SCLT1: variants seen among roughly 807,000 people sequenced by gnomAD.
The protein encoded by SCLT1 is sodium channel and clathrin linker 1.
In SCLT1, 78 loss-of-function variants were observed where a neutral mutation model predicts 112.8. The ratio of observed to expected loss-of-function variants is 0.69; its 90% CI spans 0.58 to 0.83. The LOEUF (loss-of-function observed/expected upper bound fraction) is 0.83. Among genes scored for constraint, SCLT1 ranks in the 40% least tolerant of loss-of-function variants. The pLI, the probability that SCLT1 is intolerant of heterozygous loss-of-function variation, is 0.00. For synonymous variants in SCLT1, 257 were observed against 254.7 expected (o/e 1.01, Z -0.09); for missense variants, 747 against 770.4 (o/e 0.97, Z 0.36).
Position 129,051,798 on chromosome 4 carries a change from C to T in SCLT1, c.103-7747G>A, listed in dbSNP as rs140373377. 2.2e-3 allele frequency among the ~76,000 whole-genome samples: 331 copies of T among 152,094 alleles called. 3 individuals carry two copies. The highest frequency in any genetic ancestry group is 0.014 in the East Asian group (71 of 5,178). On this transcript the variant is annotated intron_variant, in intron 2 of 20. Transcript: ENST00000281142. ...GTGGTGAGAGAGGGCATCCTTGTCA[C>T]GTGTCGGTTTTCAAAGGGAATGCTT...
rs987763170 is a variant in SCLT1, at chr4:129,040,268, A to T, written c.235-1172T>A. 4.3e-6 allele frequency: 3 copies of T among 702,414 alleles called. No individual in the cohort carries two copies. In the Admixed American group the frequency reaches 6.0e-5, roughly 14 times the overall value. 43.5% of individuals were successfully genotyped at this position (702,414 alleles called of 1,614,324 possible). On this transcript the variant is annotated intron_variant, in intron 4 of 20. Transcript: ENST00000281142. The stretch of plus-strand genomic sequence containing the variant: ...TTCACTACCAGATAATTGAGCACTG[A>T]CCATATATGGACTGATACAGTGAGA...
chr4:128,890,983 T>C, intron 19 of SCLT1, 76 bp downstream of exon 19: 1 of 978,170 alleles, frequency 1.0e-6, no homozygotes, highest in Non-Finnish European at 1.6e-6. Context: ...TAATTTGGAT[T>C]TGGCTCAGGT....
intron 10 of SCLT1, among the ~76,000 whole-genome samples, chr4:128,966,928 G>C (rs1167591040): frequency 6.6e-6 from 1 of 151,654 alleles, no homozygotes; most frequent in African/African-American, 2.4e-5. Flanking sequence ...TTGTGTATCG[G>C]GGGTTTGGTA....
chr4:129,074,556 T>C (rs1751295017), intron 2 of SCLT1, among the ~76,000 whole-genome samples: 1 of 152,166 alleles, frequency 6.6e-6, no homozygotes, highest in Admixed American at 6.6e-5. Context: ...AGAATAAGAC[T>C]GAAATTGCCT....
At chr4:128,896,643 C>G (rs1306524977) in intron 18 of SCLT1, among the ~76,000 whole-genome samples, 3 of 152,174 alleles carry the variant, frequency 2.0e-5, no homozygotes, top group African/African-American at 7.2e-5. Flanking sequence ...GAACGCAGCT[C>G]CTCACCAGCA....
downstream of SCLT1, among the ~76,000 whole-genome samples, chr4:128,880,248 T>G (rs1158644390): frequency 6.6e-6 from 1 of 152,210 alleles, no homozygotes; most frequent in African/African-American, 2.4e-5. Context: ...ATCAGTTTTA[T>G]CCATTAAGGG....
At chr4:129,063,957 G>C (rs1298620179) in intron 2 of SCLT1, among the ~76,000 whole-genome samples, 2 of 152,160 alleles carry the variant, frequency 1.3e-5, no homozygotes, top group African/African-American at 4.8e-5. Flanking sequence ...GTGCCATCTT[G>C]GGGCAGGAGT....
chr4:129,033,337 A>C (rs971940252), intron 5 of SCLT1, among the ~76,000 whole-genome samples: 4 of 146,460 alleles, frequency 2.7e-5, no homozygotes, highest in Admixed American at 1.4e-4. Flanking sequence ...ATTGGGGCCT[A>C]TTCGGGGGTG....
intron 1 of SCLT1, among the ~76,000 whole-genome samples, chr4:129,084,649 G>A (rs992477272): frequency 5.9e-5 from 9 of 152,126 alleles, no homozygotes; most frequent in African/African-American, 1.9e-4. Flanking sequence ...AACCAAAACA[G>A]CATGGTACTG....
intron 8 of SCLT1, among the ~76,000 whole-genome samples, chr4:128,993,720 A>G (rs551982582): frequency 6.6e-6 from 1 of 152,024 alleles, no homozygotes; most frequent in Non-Finnish European, 1.5e-5. Flanking sequence ...TGATTATTTC[A>G]TATGTCAGCC....
At chr4:129,080,470 G>A (rs1370210779) in intron 2 of SCLT1, among the ~76,000 whole-genome samples, 1 of 152,182 alleles carries the variant, frequency 6.6e-6, no homozygotes, top group African/African-American at 2.4e-5. Flanking sequence ...CAGATCCTTA[G>A]AGCAGGGGCA....
At chr4:128,901,385 G>A (rs1001235218) in intron 18 of SCLT1, among the ~76,000 whole-genome samples, 1 of 152,232 alleles carries the variant, frequency 6.6e-6, no homozygotes, top group South Asian at 2.1e-4. Context: ...CATGGATGAA[G>A]CTGGAAACCA....
At chr4:129,037,776 A>G (rs998406593) in intron 5 of SCLT1, 3 of 152,222 alleles carry the variant, frequency 2.0e-5, no homozygotes, top group Non-Finnish European at 4.4e-5. Flanking sequence ...TCACATATGC[A>G]CTTTGGCAAT....
chr4:129,042,944 A>G (rs1336071245), intron 4 of SCLT1, among the ~76,000 whole-genome samples: 1 of 152,094 alleles, frequency 6.6e-6, no homozygotes, highest in East Asian at 1.9e-4. Context: ...ATGGTGGCAC[A>G]TGCCTGTAAT....
Position 129,017,060 on chromosome 4 carries a change from G to A in SCLT1, c.291-13184C>T, listed in dbSNP as rs533426175. Among the ~76,000 whole-genome samples the A allele has an allele frequency of 1.5e-3, 223 of 152,116 alleles. 6 individuals are homozygous for A. The highest frequency in any genetic ancestry group is 4.6e-4 in the Non-Finnish European group (31 of 68,024). On this transcript the variant is annotated intron_variant, in intron 5 of 20. Transcript: ENST00000281142. ...TAGTTTGATATGCTGCTCATTTTAAGTAGTTTTTAATTTTAGTTGTCAATT... is the reference window on the plus strand; with the variant it reads ...TAGTTTGATATGCTGCTCATTTTAAATAGTTTTTAATTTTAGTTGTCAATT...
chr4:129,013,943 CTA>C (rs1744768909), intron 5 of SCLT1, among the ~76,000 whole-genome samples: 1 of 152,090 alleles, frequency 6.6e-6, no homozygotes, highest in Admixed American at 6.5e-5. Flanking sequence ...TCAGGGATGC[CTA>C]TGAGTCATAG....
intron 18 of SCLT1, among the ~76,000 whole-genome samples, chr4:128,913,320 G>T (rs968261582): frequency 6.6e-6 from 1 of 152,190 alleles, no homozygotes; most frequent in Non-Finnish European, 1.5e-5. Flanking sequence ...ACAGGCATGG[G>T]AAAATATAAC....
intron 9 of SCLT1, among the ~76,000 whole-genome samples, chr4:128,990,188 G>T (rs1742437470): frequency 6.6e-6 from 1 of 151,916 alleles, no homozygotes; most frequent in African/African-American, 2.4e-5. Flanking sequence ...GAACACAGAT[G>T]CAAAAATCCT....
chr4:128,995,103 G>A (rs558779444), intron 8 of SCLT1, among the ~76,000 whole-genome samples: 13 of 152,170 alleles, frequency 8.5e-5, no homozygotes, highest in African/African-American at 2.2e-4. Context: ...TGCCAAGACC[G>A]ATGCCATGGA....
Sources: allele counts gnomAD v4.1 joint callset (sites outside exome capture counted in the v4.1 genomes callset), GRCh38; gene constraint gnomAD v4.1.1; transcripts MANE v1.5; gene names NCBI Gene and HGNC (gene_info 2026-07-23, HGNC 2026-07-21).